S100Z: variants seen among roughly 807,000 people sequenced by gnomAD.
S100Z encodes the protein S100 calcium binding protein Z.
Under a neutral mutation model 8.5 loss-of-function variants are expected in S100Z, and 11 were observed. The ratio of observed to expected loss-of-function variants is 1.30; its 90% CI spans 0.82 to 2.15. The LOEUF is 2.15. S100Z is among the 30% of genes most tolerant of loss of function. The pLI, the probability that S100Z is intolerant of heterozygous loss-of-function variation, is 0.00. For synonymous variants in S100Z, 34 were observed against 43.8 expected (o/e 0.78, Z 0.89); for missense variants, 126 against 117.9 (o/e 1.07, Z -0.32).
chr5:76,887,199 C>T lies in S100Z; in HGVS notation c.*2+9365C>T, dbSNP rs1422003799. 6.6e-5 allele frequency among the ~76,000 whole-genome samples: 10 copies of T among 150,696 alleles called. 1 individual carries two copies. Among genetic ancestry groups the T allele is most frequent in the Non-Finnish European group, 1.2e-4 (8 of 67,784 alleles). On this transcript the variant is annotated intron_variant, in intron 4 of 4. Coordinates refer to ENST00000317593, the MANE Select transcript of S100Z (RefSeq NM_130772.4). The stretch of plus-strand genomic sequence containing the variant: ...GCAACCTCTGCCTCCATGGTTCAAG[C>T]GATTTTCGTGCCTGAGCCTCCTGAG...
chr5:76,877,862 A>G (rs755218507), intron 4 of S100Z, 28 bp downstream of exon 4: 34 of 1,495,616 alleles, frequency 2.3e-5, no homozygotes, highest in Non-Finnish European at 2.4e-5. Flanking sequence ...CTAAAGGCAG[A>G]AATATATCCA....
At chr5:76,890,578 G>C (rs978888783) in intron 4 of S100Z, among the ~76,000 whole-genome samples, 1 of 152,058 alleles carries the variant, frequency 6.6e-6, no homozygotes, top group Non-Finnish European at 1.5e-5. Context: ...TGAGCCCAGG[G>C]GTTTGAGGCT....
At chr5:76,929,927 A>G in the S100Z span, among the ~76,000 whole-genome samples, 1 of 152,226 alleles carries the variant, frequency 6.6e-6, no homozygotes, top group Non-Finnish European at 1.5e-5. Flanking sequence ...GAAACAGGTA[A>G]AAGGAAAGCA....
At chr5:76,855,064 A>G (rs1267358905) in intron 1 of S100Z, among the ~76,000 whole-genome samples, 5 of 152,254 alleles carry the variant, frequency 3.3e-5, no homozygotes. Flanking sequence ...CACAGAATGC[A>G]AAAGTTGAGG....
the S100Z span, among the ~76,000 whole-genome samples, chr5:76,927,142 G>A: frequency 2.0e-5 from 3 of 152,168 alleles, no homozygotes; most frequent in African/African-American, 7.2e-5. Flanking sequence ...AAAGTGAAGC[G>A]TGGAAATAAT....
At chr5:76,884,847 G>A (rs78725585) in intron 4 of S100Z, among the ~76,000 whole-genome samples, 11 of 152,064 alleles carry the variant, frequency 7.2e-5, no homozygotes, top group African/African-American at 2.2e-4. Context: ...AGATGAGTCC[G>A]TAGAAAAGAA....
At chr5:76,864,958 C>T (rs1483278945) in intron 1 of S100Z, among the ~76,000 whole-genome samples, 2 of 152,190 alleles carry the variant, frequency 1.3e-5, no homozygotes, top group African/African-American at 4.8e-5. Flanking sequence ...CAGCCCGCCT[C>T]AGCCTCCCAA....
the S100Z span, among the ~76,000 whole-genome samples, chr5:76,937,595 T>C: frequency 1.0e-4 from 15 of 149,296 alleles, no homozygotes; most frequent in African/African-American, 3.2e-4. Flanking sequence ...GTCTCTACCA[T>C]AAAAAAAAAT....
intron 4 of S100Z, among the ~76,000 whole-genome samples, chr5:76,906,970 GTGTGTGTATATATA>G (rs1470606561): frequency 2.8e-3 from 72 of 26,080 alleles, no homozygotes; most frequent in African/African-American, 0.022. Context: ...ATTCCATTGT[GTGTGTGTATATATA>G]TATATATATA....
At chr5:76,911,904 C>T (rs60518286) in intron 4 of S100Z, among the ~76,000 whole-genome samples, 2,198 of 152,246 alleles carry the variant, frequency 0.014, 59 homozygotes, top group African/African-American at 0.049. Context: ...CTATGGATCC[C>T]TGGATACAGA....
chr5:76,943,516 G>A, the S100Z span, among the ~76,000 whole-genome samples: 1 of 152,174 alleles, frequency 6.6e-6, no homozygotes, highest in Non-Finnish European at 1.5e-5. Flanking sequence ...ATAGCTCCAG[G>A]GCTGGATGTC....
chr5:76,933,548 T>C, the S100Z span, among the ~76,000 whole-genome samples: 1 of 152,200 alleles, frequency 6.6e-6, no homozygotes, highest in Non-Finnish European at 1.5e-5. Flanking sequence ...GGGTGGTAGC[T>C]ACCTACCATC....
intron 1 of S100Z, among the ~76,000 whole-genome samples, chr5:76,863,639 C>T (rs113757297): frequency 0.011 from 1,689 of 152,002 alleles, 32 homozygotes; most frequent in African/African-American, 0.038. Context: ...CCCGGGTTCA[C>T]GCCATTCTCC....
chr5:76,872,951 C>T (rs1434101083), intron 2 of S100Z, among the ~76,000 whole-genome samples: 1 of 152,088 alleles, frequency 6.6e-6, no homozygotes, highest in African/African-American at 2.4e-5. Flanking sequence ...CCAGCCTGGG[C>T]AACCAGAGTC....
At chr5:76,851,251 A>T (rs1489153145) in intron 1 of S100Z, among the ~76,000 whole-genome samples, 1 of 152,068 alleles carries the variant, frequency 6.6e-6, no homozygotes, top group Admixed American at 6.6e-5. Context: ...TGCAGAGGGG[A>T]TGGGTGGGCA....
chr5:76,915,644 A>G (rs545492284), intron 4 of S100Z, among the ~76,000 whole-genome samples: 190 of 152,002 alleles, frequency 1.2e-3, no homozygotes, highest in African/African-American at 4.5e-3. Flanking sequence ...AAATAAATAA[A>G]TAAATAAAAA....
chr5:76,922,475 TC>T (rs1745064862), downstream of S100Z, among the ~76,000 whole-genome samples: 1 of 152,158 alleles, frequency 6.6e-6, no homozygotes, highest in South Asian at 2.1e-4. Context: ...CCCTCCCACC[TC>T]CCAGGTTCAT....
intron 3 of S100Z, among the ~76,000 whole-genome samples, chr5:76,877,279 G>C (rs1054538922): frequency 1.3e-5 from 2 of 152,168 alleles, no homozygotes; most frequent in Admixed American, 6.5e-5. Flanking sequence ...AAAATGTTAC[G>C]CGATTTGCTC....
chr5:76,861,101 A>G (rs1413226993), intron 1 of S100Z, among the ~76,000 whole-genome samples: 1 of 152,174 alleles, frequency 6.6e-6, no homozygotes, highest in Non-Finnish European at 1.5e-5. Context: ...TTGTTTGGTT[A>G]TGGCTCTGGC....
Sources: gnomAD v4.1 joint callset for allele counts (sites outside exome capture counted in the v4.1 genomes callset) on GRCh38, gnomAD v4.1.1 for gene constraint, MANE v1.5 for transcripts, NCBI Gene and HGNC (gene_info 2026-07-23, HGNC 2026-07-21) for gene names.